Variants in E4F1 observed in about 807,000 individuals in gnomAD.
E4F1 encodes the protein transcription factor E4F1.
A neutral mutation model predicts 72.9 loss-of-function variants in E4F1; 30 were observed. The observed-to-expected ratio is 0.41, with a 90% CI of 0.31 to 0.56. The LOEUF (loss-of-function observed/expected upper bound fraction) is 0.56, where lower values mean the gene tolerates loss of function less well. Ranked by LOEUF, E4F1 falls within the 20% of genes least tolerant of loss-of-function variation. E4F1 has a pLI of 0.25. For missense variants in E4F1, 1,091 were observed against 1,117.5 expected, an observed-to-expected ratio of 0.98 and a Z score of 0.34; for synonymous variants, 542 against 478.2, an observed-to-expected ratio of 1.13 and a Z score of -1.74.
Position 2,234,220 on chromosome 16 carries a change from C to T in E4F1, c.1425C>T (p.Ala475=). ...CAQCGKAFPK[A]YLLKKHQEVH... ...AGTGTGGCAAGGCCTTCCCCAAGGC[C>T]TACCTGCTCAAGAAGCACCAGGAGG... The change falls in exon 10 of 14, where the codon GCC becomes GCT. Residue 475 remains alanine (A), a synonymous_variant. Coordinates refer to ENST00000301727, the MANE Select transcript of E4F1 (RefSeq NM_004424.5). The T allele has an allele frequency of 1.9e-6, 3 of 1,612,808 alleles. No homozygotes were observed. The highest frequency in any genetic ancestry group is 2.5e-6 in the Non-Finnish European group (3 of 1,179,940).
At chr16:2,226,476 C>T (rs1259107986) in intron 1 of E4F1, among the ~76,000 whole-genome samples, 1 of 152,226 alleles carries the variant, frequency 6.6e-6, no homozygotes, top group Non-Finnish European at 1.5e-5. Context: ...TGGGTGGCCC[C>T]TGCAGGCGAG....
Position 2,232,557 on chromosome 16 carries a change from G to A in E4F1, c.711G>A (p.Arg237=), listed in dbSNP as rs2093474276. The A allele has an allele frequency of 6.2e-7, 1 of 1,612,224 alleles. No homozygotes were observed. The highest frequency in any genetic ancestry group is 1.7e-5 in the Admixed American group (1 of 59,968). Residue 237 remains arginine (R), a synonymous_variant, in exon 5 of 14, where the codon CGG becomes CGA. Coordinates refer to ENST00000301727, the MANE Select transcript of E4F1 (RefSeq NM_004424.5). The stretch of plus-strand genomic sequence containing the variant: ...TCCGCACCAAGGGCTCACTCATCCG[G>A]CACCACCGGCGGCACACGGGTGAGC... The part of the protein sequence containing the change: ...ASFRTKGSLI[R]HHRRHTDERP...
In E4F1 at chr16:2,234,159, G is replaced by A. The variant is rs773016452; in HGVS notation, c.1376-12G>A. On this transcript the variant is annotated splice_polypyrimidine_tract_variant and intron_variant, in intron 9 of 13. Coordinates refer to ENST00000301727, the MANE Select transcript of E4F1 (RefSeq NM_004424.5). Reference sequence around the variant, plus strand: ...GGTGATGGGCTTGGCCTGATGCTGTGTGTGGCTGCAGGGCCGAGGCCGTTC... The same window carrying A: ...GGTGATGGGCTTGGCCTGATGCTGTATGTGGCTGCAGGGCCGAGGCCGTTC... 2.5e-6 allele frequency: 4 copies of A among 1,610,498 alleles called. No homozygotes were observed. Among genetic ancestry groups the A allele is most frequent in the Non-Finnish European group, 3.4e-6 (4 of 1,179,282 alleles).
intron 1 of E4F1, among the ~76,000 whole-genome samples, chr16:2,228,100 C>T (rs539854524): frequency 1.6e-4 from 25 of 152,354 alleles, no homozygotes; most frequent in African/African-American, 5.5e-4. Flanking sequence ...TAGCAGGTCC[C>T]TGCAGCCTAA....
intron 1 of E4F1, 132 bp from the exon 2 acceptor site, chr16:2,228,240 G>C: frequency 2.4e-6 from 3 of 1,239,204 alleles, no homozygotes; most frequent in Non-Finnish European, 3.5e-6. Flanking sequence ...GTTCTCAGCA[G>C]CCTGGGGAAG....
chr16:2,233,328 C>T, intron 7 of E4F1, 110 bp from the exon 8 acceptor site: 2 of 1,425,660 alleles, frequency 1.4e-6, no homozygotes, highest in Non-Finnish European at 1.9e-6. Context: ...AGTGGGAGCG[C>T]CATGGGGGTC....
Position 2,230,196 on chromosome 16 carries a change from G to A in E4F1, c.415+521G>A, listed in dbSNP as rs888094331. 1.8e-5 allele frequency: 3 copies of A among 165,018 alleles called. No individual in the cohort carries two copies. The South Asian group carries it at 4.7e-4, about 26-fold the overall frequency. The allele number at this position is 165,018 out of a possible 1,614,324, so 10.2% of individuals were successfully genotyped here. A position where few individuals can be genotyped will look rare whatever the true frequency, so the allele number is the denominator to read the frequency against. ...GTGTGGGAGTGGTGATTGCTACACT[G>A]GTCCTCATGGGGCTTTTATGAGCGT... On this transcript the variant is annotated intron_variant, in intron 3 of 13. Transcript: ENST00000301727.
chr16:2,225,068 C>T (rs1596750849), intron 1 of E4F1, among the ~76,000 whole-genome samples: 1 of 151,886 alleles, frequency 6.6e-6, no homozygotes, highest in Admixed American at 6.6e-5. Flanking sequence ...CAAAAATTAG[C>T]TGGGCGTGGT....
intron 3 of E4F1, chr16:2,230,059 G>A (rs1015737282): frequency 7.5e-6 from 2 of 267,308 alleles, no homozygotes; most frequent in South Asian, 3.9e-5. Flanking sequence ...TGGCCCACTC[G>A]CCCAGCAGCG....
At chr16:2,228,634 G>A in intron 2 of E4F1, 111 bp downstream of exon 2, 1 of 1,350,294 alleles carries the variant, frequency 7.4e-7, no homozygotes. Flanking sequence ...CACGTGGGCG[G>A]GCAGAGGGCA....
Position 2,234,936 on chromosome 16 carries a change from G to A in E4F1, c.1870G>A (p.Asp624Asn). The A allele has an allele frequency of 1.3e-6, 2 of 1,572,388 alleles. No homozygotes were observed. The highest frequency in any genetic ancestry group is 1.7e-4 in the Middle Eastern group (1 of 6,016). ...PAAATTVLTE[D>N]PHTVLVEFSS... ...GGCAGCCACCACCGTCCTCACGGAA[G>A]ACCCGCACACAGTGTTGGTGGAGTT... is the stretch of plus-strand genomic sequence containing the variant. Residue 624 changes from aspartate to asparagine, a missense_variant, in exon 12 of 14, where the codon GAC (aspartate) becomes AAC (asparagine). Physicochemically the swap from Asp to Asn is conservative, Grantham distance 23. Around this residue, in one of 5 missense-constraint regions of E4F1, gnomAD observed 622 missense variants for 628.0 expected, o/e 0.99. Coordinates refer to ENST00000301727, the MANE Select transcript of E4F1 (RefSeq NM_004424.5).
chr16:2,233,365 T>TGC, intron 7 of E4F1, 73 bp from the exon 8 acceptor site: 1 of 1,440,678 alleles, frequency 6.9e-7, no homozygotes, highest in Non-Finnish European at 9.1e-7. Context: ...GCTCCTGGCG[T>TGC]GCGTCTGCCC....
At chr16:2,228,643 C>G in intron 2 of E4F1, 120 bp downstream of exon 2, 1 of 1,294,020 alleles carries the variant, frequency 7.7e-7, no homozygotes, top group Admixed American at 2.2e-5. Flanking sequence ...GGGCAGAGGG[C>G]AGGCACCTGG....
rs746170340 is a variant in E4F1, at chr16:2,229,642, G to A, written c.382G>A (p.Ala128Thr). ...AHIVVEAASL[A>T]ADISHASDLV... is the part of the protein sequence containing the mutation. Reference sequence around the variant, plus strand: ...CATCGTGGTGGAGGCGGCCTCTCTGGCAGCAGACATCAGCCACGCATCTGA... The same window carrying A: ...CATCGTGGTGGAGGCGGCCTCTCTGACAGCAGACATCAGCCACGCATCTGA... The change falls in exon 3 of 14, where the codon GCA (alanine) becomes ACA (threonine). Residue 128 changes from alanine (A) to threonine (T), a missense_variant. By Grantham distance (58) the Ala-to-Thr change is moderately conservative. Around this residue, in one of 5 missense-constraint regions of E4F1, gnomAD observed 362 missense variants for 358.6 expected, o/e 1.01. Transcript: ENST00000301727. 9 of 1,612,820 alleles carry A rather than the reference G, an allele frequency of 5.6e-6. No individual in the cohort carries two copies. Among genetic ancestry groups the A allele is most frequent in the African/African-American group, 1.3e-5 (1 of 74,946 alleles).
Position 2,235,076 on chromosome 16 carries a change from C to T in E4F1, c.1936-5C>T, listed in dbSNP as rs753182356. 1.2e-6 allele frequency: 2 copies of T among 1,612,456 alleles called. No individual in the cohort carries two copies. Among genetic ancestry groups the T allele is most frequent in the Admixed American group, 1.7e-5 (1 of 59,996 alleles). ...TGACCTCTGTCCTTCTGCCCATCTG[C>T]CCAGGCCACTGCGGACGATGCGGAG... On this transcript the variant is annotated splice_polypyrimidine_tract_variant and splice_region_variant and intron_variant, in intron 12 of 13. Coordinates refer to ENST00000301727, the MANE Select transcript of E4F1 (RefSeq NM_004424.5).
chr16:2,228,520 G>C lies in E4F1; in HGVS notation c.306G>C (p.Gln102His). The C allele has an allele frequency of 1.2e-6, 2 of 1,612,164 alleles. No homozygotes were observed. The highest frequency in any genetic ancestry group is 2.2e-5 in the East Asian group (1 of 44,874). The change falls in exon 2 of 14, where the codon CAG becomes CAC. Residue 102 changes from glutamine (Q) to histidine (H), a missense_variant. This residue lies in a region of E4F1 where 362 missense variants were observed against 358.6 expected (regional missense o/e 1.01). Transcript: ENST00000301727. ...ATPATTALLG[Q>H]EVVPAAPGPE... ...CTGCCACCACAGCGTTGCTGGGCCA[G>C]GAGGTGAGCCCTCACCCACTCCCCC...
At position 2,233,189 on chromosome 16, in the gene E4F1, G is replaced by A. The variant is rs371113367; in HGVS notation, c.1056+6G>A. ...TGAAAGCCCTGGCCCCAGAGGTGGGGGCGACGGGGGGCCCCGGAGGGCTGC... is the reference window on the plus strand; with the variant it reads ...TGAAAGCCCTGGCCCCAGAGGTGGGAGCGACGGGGGGCCCCGGAGGGCTGC... On this transcript the variant is annotated splice_donor_region_variant and intron_variant, in intron 7 of 13. Transcript: ENST00000301727. 709 of 1,593,148 alleles carry A rather than the reference G, an allele frequency of 4.5e-4. No individual in the cohort carries two copies. Among genetic ancestry groups the A allele is most frequent in the Non-Finnish European group, 5.9e-4 (691 of 1,167,212 alleles).
chr16:2,233,163 A>G lies in E4F1; in HGVS notation c.1036A>G (p.Met346Val), dbSNP rs186588193. 178 of 1,607,632 alleles carry G rather than the reference A, an allele frequency of 1.1e-4. No individual in the cohort carries two copies. The Admixed American group carries it at 2.9e-3, about 26-fold the overall frequency. Residue 346 changes from methionine (M) to valine (V), a missense_variant, in exon 7 of 14, where the codon ATG (methionine) becomes GTG (valine). This residue lies in a region of E4F1 where 2 missense variants were observed against 16.7 expected (regional missense o/e 0.12). Coordinates refer to ENST00000301727, the MANE Select transcript of E4F1 (RefSeq NM_004424.5). ...HVQMQELSLG[M>V]KALAPEPPVS... ...CCAGATGCAGGAGCTGTCCCTGGGCATGAAAGCCCTGGCCCCAGAGGTGGG... is the reference window on the plus strand; with the variant it reads ...CCAGATGCAGGAGCTGTCCCTGGGCGTGAAAGCCCTGGCCCCAGAGGTGGG...
intron 1 of E4F1, among the ~76,000 whole-genome samples, chr16:2,226,230 T>C (rs2093432054): frequency 1.3e-5 from 2 of 152,246 alleles, no homozygotes; most frequent in South Asian, 4.1e-4. Context: ...TCGTTCCAGC[T>C]TGGAGAAGGG....
Sources: allele counts gnomAD v4.1 joint callset (sites outside exome capture counted in the v4.1 genomes callset), GRCh38; gene constraint gnomAD v4.1.1; regional missense constraint gnomAD v4.1.1; transcripts MANE v1.5; gene names NCBI Gene and HGNC (gene_info 2026-07-23, HGNC 2026-07-21).